NELL1: variants seen among roughly 807,000 people sequenced by gnomAD.
The protein encoded by NELL1 is neural EGFL like 1.
In NELL1, 76 loss-of-function variants were observed where a neutral mutation model predicts 107.4. That is an observed-to-expected ratio of 0.71 (90% CI 0.59 to 0.86). The LOEUF (loss-of-function observed/expected upper bound fraction) is 0.86. Ranked by LOEUF, NELL1 falls within the 40% of genes least tolerant of loss-of-function variation. NELL1 has a pLI of 0.00. For synonymous variants in NELL1, 353 were observed against 341.2 expected, an observed-to-expected ratio of 1.03 and a Z score of -0.38; for missense variants, 1,024 against 1,005.5, an observed-to-expected ratio of 1.02 and a Z score of -0.25.
chr11:21,205,334 C>T (rs1305865416), intron 13 of NELL1, among the ~76,000 whole-genome samples: 3 of 152,154 alleles, frequency 2.0e-5, no homozygotes, highest in Non-Finnish European at 4.4e-5. Flanking sequence ...TCTAAAGAGG[C>T]AGTCTGGCTA....
intron 15 of NELL1, among the ~76,000 whole-genome samples, chr11:21,489,404 A>AAAAAAAAAAAAAAAAAAAAAAC (rs1554922049): frequency 7.3e-6 from 1 of 137,200 alleles, no homozygotes; most frequent in Admixed American, 7.7e-5. Context: ...AAAAAAAAAA[A>AAAAAAAAAAAAAAAAAAAAAAC]AAAACAGAAG....
intron 14 of NELL1, among the ~76,000 whole-genome samples, chr11:21,298,892 A>T (rs1849432801): frequency 6.6e-6 from 1 of 151,954 alleles, no homozygotes; most frequent in East Asian, 1.9e-4. Flanking sequence ...CCCCCGAAAA[A>T]AGATTATCTG....
chr11:21,229,817 G>C (rs753633911), intron 14 of NELL1, among the ~76,000 whole-genome samples: 2 of 152,192 alleles, frequency 1.3e-5, no homozygotes, highest in Non-Finnish European at 1.5e-5. Flanking sequence ...CACACTTGAG[G>C]TATCTGCTTG....
intron 15 of NELL1, among the ~76,000 whole-genome samples, chr11:21,522,429 G>A (rs1311740605): frequency 6.6e-6 from 1 of 152,138 alleles, no homozygotes; most frequent in Non-Finnish European, 1.5e-5. Flanking sequence ...GATGAAACTG[G>A]AGGCCATTGT....
Position 21,285,653 on chromosome 11 carries a change from T to C in NELL1, c.1549+56199T>C, listed in dbSNP as rs554682207. ...CCAGCTGGACTCAAGAGTGTAGAGG[T>C]CAAAACCCCAGTTAACAGGCACTAG... On this transcript the variant is annotated intron_variant, in intron 14 of 19. Transcript: ENST00000357134. 5.0e-4 allele frequency among the ~76,000 whole-genome samples: 76 copies of C among 152,236 alleles called. 1 individual carries two copies. The South Asian group carries it at 9.7e-3, about 19-fold the overall frequency.
At chr11:21,503,605 GAAT>G (rs950026223) in intron 15 of NELL1, among the ~76,000 whole-genome samples, 2 of 152,156 alleles carry the variant, frequency 1.3e-5, no homozygotes, top group Non-Finnish European at 2.9e-5. Context: ...CAAGTACAGA[GAAT>G]AATATTTGTC....
chr11:20,895,630 G>A (rs113416763), intron 5 of NELL1, among the ~76,000 whole-genome samples: 13 of 149,830 alleles, frequency 8.7e-5, no homozygotes, highest in African/African-American at 3.2e-4. Context: ...CTCAGCCTCT[G>A]GAGGAGCTGG....
At chr11:21,002,294 C>CAGTTACCTACATTAATGT (rs11268143) in intron 12 of NELL1, among the ~76,000 whole-genome samples, 21,500 of 151,278 alleles carry the variant, frequency 0.14, 2,331 homozygotes, top group East Asian at 0.56. Flanking sequence ...TATATTATAA[C>CAGTTACCTACATTAATGT]AGTTACCTAC....
chr11:21,464,678 C>T (rs1182982865), intron 15 of NELL1, among the ~76,000 whole-genome samples: 1 of 151,940 alleles, frequency 6.6e-6, no homozygotes, highest in Non-Finnish European at 1.5e-5. Context: ...GCATTGAGAC[C>T]CTGCCAAGTC....
In NELL1 at chr11:21,361,912, T is replaced by C. The variant is rs527462818; in HGVS notation, c.1550-8941T>C. ...ATCCTATACTGTTTTTTAATTTCTT[T>C]AAGTTGGTTTTCACCTTTCTCTGGT... On this transcript the variant is annotated intron_variant, in intron 14 of 19. Coordinates refer to ENST00000357134, the MANE Select transcript of NELL1 (RefSeq NM_006157.5). Among the ~76,000 whole-genome samples the C allele has an allele frequency of 6.1e-4, 93 of 152,278 alleles. No homozygotes were observed. The South Asian group carries it at 9.3e-3, about 15-fold the overall frequency.
intron 12 of NELL1, among the ~76,000 whole-genome samples, chr11:21,002,954 C>T (rs1457995489): frequency 6.6e-6 from 1 of 152,110 alleles, no homozygotes; most frequent in Non-Finnish European, 1.5e-5. Context: ...GAATCCTTAA[C>T]ATGATTATAT....
intron 15 of NELL1, among the ~76,000 whole-genome samples, chr11:21,490,839 T>C (rs1854787130): frequency 6.6e-6 from 1 of 152,022 alleles, no homozygotes; most frequent in Admixed American, 6.6e-5. Context: ...CCTGAAACTA[T>C]AAAACTGCTA....
At chr11:21,268,154 A>G (rs866726106) in intron 14 of NELL1, among the ~76,000 whole-genome samples, 26 of 152,288 alleles carry the variant, frequency 1.7e-4, no homozygotes, top group African/African-American at 5.1e-4. Flanking sequence ...GGGAACCAGG[A>G]CCAGGGTAGG....
chr11:21,509,985 T>C (rs956138979), intron 15 of NELL1, among the ~76,000 whole-genome samples: 1 of 152,152 alleles, frequency 6.6e-6, no homozygotes, highest in Non-Finnish European at 1.5e-5. Flanking sequence ...TTTTATCTGT[T>C]AGGAGAGGCA....
At chr11:21,289,850 CCCT>C (rs1849210635) in intron 14 of NELL1, among the ~76,000 whole-genome samples, 1 of 152,108 alleles carries the variant, frequency 6.6e-6, no homozygotes, top group Non-Finnish European at 1.5e-5. Context: ...GGCAATTTTC[CCCT>C]CACAGTGTAA....
intron 11 of NELL1, among the ~76,000 whole-genome samples, chr11:20,960,086 T>G (rs960958607): frequency 6.6e-6 from 1 of 151,984 alleles, no homozygotes; most frequent in Non-Finnish European, 1.5e-5. Context: ...ATATATTAAT[T>G]TTATTACTCT....
chr11:21,278,180 A>T (rs979997748), intron 14 of NELL1, among the ~76,000 whole-genome samples: 1 of 152,202 alleles, frequency 6.6e-6, no homozygotes, highest in South Asian at 2.1e-4. Context: ...CCCTACAGCA[A>T]TGTCACACAA....
intron 12 of NELL1, among the ~76,000 whole-genome samples, chr11:21,001,834 C>T (rs1371481632): frequency 1.3e-5 from 2 of 151,540 alleles, no homozygotes; most frequent in African/African-American, 4.9e-5. Context: ...TTTCCTGGAG[C>T]TAGGGGAAGA....
intron 15 of NELL1, among the ~76,000 whole-genome samples, chr11:21,415,951 C>A (rs1451873174): frequency 6.6e-6 from 1 of 150,890 alleles, no homozygotes; most frequent in South Asian, 2.1e-4. Context: ...TGGGAGAGGA[C>A]GGAGGGAAGC....
Sources: allele counts gnomAD v4.1 joint callset (sites outside exome capture counted in the v4.1 genomes callset), GRCh38; gene constraint gnomAD v4.1.1; transcripts MANE v1.5; gene names NCBI Gene and HGNC (gene_info 2026-07-23, HGNC 2026-07-21).